Variants in NRG1 observed in about 807,000 individuals in gnomAD.
The protein encoded by NRG1 is neuregulin 1.
NRG1 carries 18 observed loss-of-function variants against 63.8 expected under a neutral mutation model. That is an observed-to-expected ratio of 0.28 (90% CI 0.19 to 0.42). The LOEUF is 0.42. NRG1 is among the 10% of genes least tolerant of loss of function. The probability of loss-of-function intolerance (pLI) is 1.00; values close to 1 mark genes in which losing one functional copy is unlikely to be tolerated. For synonymous variants in NRG1, 302 were observed against 301.3 expected (o/e 1.00, Z -0.02); for missense variants, 762 against 814.7 (o/e 0.94, Z 0.79).
At chr8:31,722,406 C>T (rs890971176) in intron 1 of NRG1, among the ~76,000 whole-genome samples, 1 of 152,084 alleles carries the variant, frequency 6.6e-6, no homozygotes, top group Admixed American at 6.6e-5. Context: ...CATCTCCTTC[C>T]TGTCATCTTA....
chr8:32,574,586 A>AGT (rs1292505836), intron 1 of NRG1, among the ~76,000 whole-genome samples: 5 of 152,068 alleles, frequency 3.3e-5, no homozygotes, highest in Non-Finnish European at 5.9e-5. Flanking sequence ...GTCATTTTAA[A>AGT]GTGTGTGGTC....
At chr8:32,558,653 T>G (rs1224357640) in intron 1 of NRG1, among the ~76,000 whole-genome samples, 1 of 152,186 alleles carries the variant, frequency 6.6e-6, no homozygotes, top group African/African-American at 2.4e-5. Flanking sequence ...GCTCTTCTTG[T>G]CATTTTAGAT....
At chr8:32,608,941 C>G (rs1410838142) in intron 3 of NRG1, among the ~76,000 whole-genome samples, 1 of 152,112 alleles carries the variant, frequency 6.6e-6, no homozygotes, top group Non-Finnish European at 1.5e-5. Context: ...GACCAAGAAT[C>G]CTATTAGCAA....
intron 1 of NRG1, among the ~76,000 whole-genome samples, chr8:32,083,437 A>C (rs117220047): frequency 1.3e-5 from 2 of 152,150 alleles, no homozygotes; most frequent in Admixed American, 6.6e-5. Context: ...TGTGGGACAT[A>C]TCAATACAAT....
chr8:31,749,828 G>A lies in NRG1; in HGVS notation c.37+110397G>A, dbSNP rs981424843. 2.0e-5 allele frequency among the ~76,000 whole-genome samples: 3 copies of A among 151,282 alleles called. No homozygotes were observed. In the East Asian group the frequency reaches 5.8e-4, roughly 29 times the overall value. ...ATTAAGTGTTTGCAAATTAAGGCTTGTTTATACTCTTTTGCAAGCAATATT... is the reference window on the plus strand; with the variant it reads ...ATTAAGTGTTTGCAAATTAAGGCTTATTTATACTCTTTTGCAAGCAATATT... On this transcript the variant is annotated intron_variant, in intron 1 of 10. Transcript: ENST00000519301.
intron 5 of NRG1, among the ~76,000 whole-genome samples, chr8:32,707,505 C>A (rs1361826558): frequency 1.3e-5 from 2 of 152,000 alleles, no homozygotes; most frequent in East Asian, 3.9e-4. Flanking sequence ...TAAACTGTTA[C>A]CTTTAACTAT....
chr8:32,773,976 A>G (rs994651271), intron 7 of NRG1, among the ~76,000 whole-genome samples: 20 of 152,194 alleles, frequency 1.3e-4, no homozygotes, highest in Admixed American at 6.5e-5. Flanking sequence ...TACCACCTGT[A>G]TTATTTTTTG....
chr8:32,664,665 T>C (rs975049626), intron 5 of NRG1, among the ~76,000 whole-genome samples: 1 of 152,010 alleles, frequency 6.6e-6, no homozygotes, highest in Non-Finnish European at 1.5e-5. Flanking sequence ...ATGGTGATGA[T>C]AGTGACAATC....
chr8:31,856,578 G>A (rs1364582970), intron 1 of NRG1, among the ~76,000 whole-genome samples: 4 of 152,212 alleles, frequency 2.6e-5, no homozygotes, highest in Non-Finnish European at 2.9e-5. Context: ...GTAGCTCGGA[G>A]TAATTTGATT....
chr8:32,048,267 G>GTATATATATGTATACATACATGTACATA (rs1821339622), intron 1 of NRG1, among the ~76,000 whole-genome samples: 2 of 150,066 alleles, frequency 1.3e-5, no homozygotes, highest in African/African-American at 2.4e-5. Context: ...ATATATGTAT[G>GTATATATATGTATACATACATGTACATA]TATATATATG....
In NRG1 at chr8:31,974,436, T is replaced by C. The variant is rs115608229; in HGVS notation, c.37+335005T>C. ...CCTCCTCCCACCTGGTATGAAGCACTGTGCCTGGCCTTGAATTTCTTAATG... is the reference window on the plus strand; with the variant it reads ...CCTCCTCCCACCTGGTATGAAGCACCGTGCCTGGCCTTGAATTTCTTAATG... On this transcript the variant is annotated intron_variant, in intron 1 of 10. Transcript: ENST00000519301. Among the ~76,000 whole-genome samples the C allele has an allele frequency of 8.2e-3, 1,254 of 152,316 alleles. 17 individuals carry two copies. Among genetic ancestry groups the C allele is most frequent in the African/African-American group, 0.029 (1,202 of 41,570 alleles).
At chr8:31,845,708 G>A (rs1405145121) in intron 1 of NRG1, among the ~76,000 whole-genome samples, 1 of 152,108 alleles carries the variant, frequency 6.6e-6, no homozygotes, top group East Asian at 1.9e-4. Flanking sequence ...GGGCAAGTTA[G>A]CATGTGTTGC....
intron 1 of NRG1, among the ~76,000 whole-genome samples, chr8:32,344,354 C>CTTTCTTTCTTTCTTTCTT (rs1804493236): frequency 2.8e-5 from 1 of 36,348 alleles, no homozygotes; most frequent in Non-Finnish European, 6.9e-5. Flanking sequence ...TTCTTTCTTT[C>CTTTCTTTCTTTCTTTCTT]TTTCTTTCTT....
At chr8:32,233,924 T>C (rs1171810110) in intron 1 of NRG1, among the ~76,000 whole-genome samples, 2 of 152,092 alleles carry the variant, frequency 1.3e-5, no homozygotes, top group African/African-American at 2.4e-5. Context: ...TCCCTAATAG[T>C]TGGATTTTAT....
At chr8:32,595,982 T>C in exon 2 of NRG1, 1 of 1,613,158 alleles carries the variant, frequency 6.2e-7, no homozygotes, top group East Asian at 2.2e-5. Flanking sequence ...AACCACAAAA[T>C]ATCAAGATAC....
At chr8:32,628,235 C>T (rs937816348) in intron 5 of NRG1, among the ~76,000 whole-genome samples, 1 of 152,110 alleles carries the variant, frequency 6.6e-6, no homozygotes, top group Non-Finnish European at 1.5e-5. Context: ...TACGAAGAGG[C>T]ATAGCCTTAC....
intron 1 of NRG1, among the ~76,000 whole-genome samples, chr8:32,271,090 G>T (rs1647290555): frequency 6.6e-6 from 1 of 151,850 alleles, no homozygotes; most frequent in Non-Finnish European, 1.5e-5. Flanking sequence ...TTCTCCTCTT[G>T]TCAAAATCTC....
At chr8:31,904,599 C>G (rs1832368998) in intron 1 of NRG1, among the ~76,000 whole-genome samples, 1 of 152,110 alleles carries the variant, frequency 6.6e-6, no homozygotes, top group South Asian at 2.1e-4. Flanking sequence ...CAGCAGTGTT[C>G]ACAATAGCAA....
intron 1 of NRG1, among the ~76,000 whole-genome samples, chr8:32,501,029 C>A (rs944066414): frequency 6.6e-6 from 1 of 152,094 alleles, no homozygotes; most frequent in South Asian, 2.1e-4. Context: ...GAGTACCTGC[C>A]AAGGTTTTGT....
Sources: gnomAD v4.1 joint callset for allele counts (sites outside exome capture counted in the v4.1 genomes callset) on GRCh38, gnomAD v4.1.1 for gene constraint, MANE v1.5 for transcripts, NCBI Gene and HGNC (gene_info 2026-07-23, HGNC 2026-07-21) for gene names.